PHF20L1: variants seen among roughly 807,000 people sequenced by gnomAD.
PHF20L1 encodes PHD finger protein 20 like 1.
A neutral mutation model predicts 125.5 loss-of-function variants in PHF20L1; 44 were observed. The observed-to-expected ratio is 0.35, with a 90% confidence interval of 0.28 to 0.45. PHF20L1 has a LOEUF of 0.45. PHF20L1 is among the 20% of genes least tolerant of loss of function. The pLI is 1.00. For missense variants in PHF20L1, 1,012 were observed against 1,217.2 expected (o/e 0.83, Z 2.51); for synonymous variants, 380 against 403.1 (o/e 0.94, Z 0.69).
Position 132,836,738 on chromosome 8 carries a change from T to C in PHF20L1, c.2091+17T>C. On this transcript the variant is annotated intron_variant, in intron 16 of 20. Coordinates refer to ENST00000395386, the MANE Select transcript of PHF20L1 (RefSeq NM_016018.5). Reference sequence around the variant, plus strand: ...ATGATCCAGGTAATTGGTTAACCTCTCTTCCCTATAATGAGTTAGTTGTTT... The same window carrying C: ...ATGATCCAGGTAATTGGTTAACCTCCCTTCCCTATAATGAGTTAGTTGTTT... 1 of 1,587,038 alleles carries C rather than the reference T, an allele frequency of 6.3e-7. No homozygotes were observed. Among genetic ancestry groups the C allele is most frequent in the Non-Finnish European group, 8.6e-7 (1 of 1,157,588 alleles).
At chr8:132,823,153 T>A (rs7841859) in intron 12 of PHF20L1, among the ~76,000 whole-genome samples, 431 of 152,132 alleles carry the variant, frequency 2.8e-3, no homozygotes, top group African/African-American at 0.01. Context: ...TATAAGTATG[T>A]CTTTGTATTT....
Position 132,816,964 on chromosome 8 carries a change from C to T in PHF20L1, c.1260C>T (p.Thr420=), listed in dbSNP as rs779310827. The change falls in exon 11 of 21, where the codon ACC becomes ACT. Residue 420 remains threonine (T), a synonymous_variant. Coordinates refer to ENST00000395386, the MANE Select transcript of PHF20L1 (RefSeq NM_016018.5). ...ERRRRSQRLA[T]LPMPDDSVEK... The stretch of plus-strand genomic sequence containing the variant: ...GAAGAAGATCTCAGCGTTTAGCCAC[C>T]TTACCCATGCCTGATGATTCTGTAG... 8 of 1,611,942 alleles carry T rather than the reference C, an allele frequency of 5.0e-6. No homozygotes were observed. In the South Asian group the frequency reaches 7.7e-5, roughly 15 times the overall value.
chr8:132,794,262 G>A, intron 2 of PHF20L1, 148 bp from the exon 3 acceptor site: 2 of 549,932 alleles, frequency 3.6e-6, no homozygotes, highest in Non-Finnish European at 6.4e-6. Flanking sequence ...ATAAAGCAGA[G>A]TTTTTTGGTT....
In PHF20L1 at chr8:132,848,699, C is replaced by T. The variant is rs1288786695; in HGVS notation, c.*2776C>T. On this transcript the variant is annotated 3_prime_UTR_variant, in exon 21 of 21. Transcript: ENST00000395386. The stretch of plus-strand genomic sequence containing the variant: ...TAAATTTCAGGTAAAACCCCTTTTC[C>T]TAACACTCATCTTATTTCCACTGTC... 6.6e-6 allele frequency: 1 copy of T among 151,936 alleles called. No homozygotes were observed. Among genetic ancestry groups the T allele is most frequent in the African/African-American group, 2.4e-5 (1 of 41,386 alleles). 9.4% of individuals were successfully genotyped at this position (151,936 alleles called of 1,614,324 possible).
At chr8:132,791,926 G>GT (rs1831760748) in intron 2 of PHF20L1, among the ~76,000 whole-genome samples, 1 of 152,110 alleles carries the variant, frequency 6.6e-6, no homozygotes, top group Admixed American at 6.5e-5. Flanking sequence ...TAGAAAAACC[G>GT]TAAGTCGCTT....
intron 2 of PHF20L1, among the ~76,000 whole-genome samples, chr8:132,792,920 T>G (rs1831913273): frequency 6.6e-6 from 1 of 152,104 alleles, no homozygotes; most frequent in Admixed American, 6.6e-5. Context: ...CTAACTTTTT[T>G]TAATCCAATA....
In PHF20L1 at chr8:132,794,963, T is replaced by G. The variant is rs1832209374; in HGVS notation, c.340+146T>G. The G allele has an allele frequency of 8.3e-6, 5 of 603,022 alleles. 1 individual carries two copies. The South Asian group carries it at 1.1e-4, about 14-fold the overall frequency. The allele number at this position is 603,022 out of a possible 1,614,324, so 37.4% of individuals were successfully genotyped here. Reference sequence around the variant, plus strand: ...GTATTCTTTTTCGGGAGCATTTGATTTGTTATGTGTTATCGAGAATAAAAT... The same window carrying G: ...GTATTCTTTTTCGGGAGCATTTGATGTGTTATGTGTTATCGAGAATAAAAT... On this transcript the variant is annotated intron_variant, in intron 4 of 20. Coordinates refer to ENST00000395386, the MANE Select transcript of PHF20L1 (RefSeq NM_016018.5).
At chr8:132,811,421 A>G (rs539656640) in intron 9 of PHF20L1, 11 of 1,059,796 alleles carry the variant, frequency 1.0e-5, no homozygotes, top group African/African-American at 1.7e-5. Context: ...CTAGCTTACA[A>G]AAAGACCCTT....
chr8:132,804,612 T>C lies in PHF20L1; in HGVS notation c.722-3T>C, dbSNP rs773459687. ...TCTCATATATGTGTTCTGTTGAAAGTAGGACTTCATGTAGAGAACGTTCCA... is the reference window on the plus strand; with the variant it reads ...TCTCATATATGTGTTCTGTTGAAAGCAGGACTTCATGTAGAGAACGTTCCA... On this transcript the variant is annotated splice_polypyrimidine_tract_variant and splice_region_variant and intron_variant, in intron 7 of 20. Coordinates refer to ENST00000395386, the MANE Select transcript of PHF20L1 (RefSeq NM_016018.5). The C allele has an allele frequency of 6.2e-7, 1 of 1,602,048 alleles. No individual in the cohort carries two copies. Among genetic ancestry groups the C allele is most frequent in the South Asian group, 1.1e-5 (1 of 90,432 alleles).
At position 132,842,738 on chromosome 8, in the gene PHF20L1, C is replaced by G. The variant is rs904442478; in HGVS notation, c.2611C>G (p.Gln871Glu). 3.3e-5 allele frequency: 54 copies of G among 1,613,198 alleles called. No homozygotes were observed. Among genetic ancestry groups the G allele is most frequent in the Non-Finnish European group, 4.3e-5 (51 of 1,179,610 alleles). The change falls in exon 19 of 21, where the codon CAG becomes GAG. Residue 871 changes from glutamine (Q) to glutamate (E), a missense_variant. By Grantham distance (29) the Gln-to-Glu change is conservative. Coordinates refer to ENST00000395386, the MANE Select transcript of PHF20L1 (RefSeq NM_016018.5). The stretch of plus-strand genomic sequence containing the variant: ...CTATCAAAAGCCACAAAGTTTTGGT[C>G]AGGACTGTAAATCTCTCGCAGACCC... ...HSYQKPQSFG[Q>E]DCKSLADPGS...
chr8:132,825,696 C>A (rs1273848022), intron 14 of PHF20L1, among the ~76,000 whole-genome samples: 2 of 151,976 alleles, frequency 1.3e-5, no homozygotes, highest in Admixed American at 1.3e-4. Context: ...TGTAGAGTTC[C>A]TTAAGTTAGC....
rs906300833 is a variant in PHF20L1 at position 132,845,986 on chromosome 8, G to A, written c.*63G>A. The A allele has an allele frequency of 2.6e-5, 33 of 1,263,988 alleles. No homozygotes were observed. The highest frequency in any genetic ancestry group is 3.4e-5 in the Non-Finnish European group (30 of 882,934). 78.3% of individuals were successfully genotyped at this position (1,263,988 alleles called of 1,614,324 possible). A position where few individuals can be genotyped will look rare whatever the true frequency, so the allele number is the denominator to read the frequency against. ...CAGTCAAAGCATTTTTATTATCCAC[G>A]TGATGGCTAAGTGGATAATTTAAAA... On this transcript the variant is annotated 3_prime_UTR_variant, in exon 21 of 21. Transcript: ENST00000395386.
intron 4 of PHF20L1, among the ~76,000 whole-genome samples, chr8:132,796,142 AAGT>A (rs1462412194): frequency 2.0e-5 from 3 of 152,098 alleles, no homozygotes; most frequent in Admixed American, 6.6e-5. Context: ...AAGTTAGCTA[AAGT>A]AGTGATCAAA....
At chr8:132,833,051 A>G (rs1168049020) in intron 15 of PHF20L1, among the ~76,000 whole-genome samples, 2 of 152,066 alleles carry the variant, frequency 1.3e-5, no homozygotes, top group East Asian at 3.9e-4. Context: ...CTTGCTTCCA[A>G]TATTGTAAGC....
intron 2 of PHF20L1, among the ~76,000 whole-genome samples, 175 bp from the exon 3 acceptor site, chr8:132,794,235 G>T (rs1046457841): frequency 2.0e-5 from 3 of 152,056 alleles, no homozygotes; most frequent in African/African-American, 7.2e-5. Context: ...TCTTGAGGAC[G>T]ATCATTTATA....
In PHF20L1 at chr8:132,812,309, A is replaced by G. The variant is rs1208843092; in HGVS notation, c.930+1181A>G. ...GACTTGGGTAATAAAATGTTTCTGG[A>G]AAATTCATTACAATGTCAATCTTTG... On this transcript the variant is annotated intron_variant, in intron 9 of 20. Transcript: ENST00000395386. 4 of 985,010 alleles carry G rather than the reference A, an allele frequency of 4.1e-6. No homozygotes were observed. In the African/African-American group the frequency reaches 7.0e-5, roughly 17 times the overall value. 61.0% of individuals were successfully genotyped at this position (985,010 alleles called of 1,614,324 possible).
chr8:132,798,962 G>A lies in PHF20L1; in HGVS notation c.429+102G>A, dbSNP rs940001879. ...TATATTTTTTAAAAATGAACTAATT[G>A]TAGGGTTATGTGCTGATAGCCCCAA... is the stretch of plus-strand genomic sequence containing the variant. On this transcript the variant is annotated intron_variant, in intron 5 of 20. Transcript: ENST00000395386. 6 of 1,038,024 alleles carry A rather than the reference G, an allele frequency of 5.8e-6. No individual in the cohort carries two copies. In the Admixed American group the frequency reaches 1.2e-4, roughly 20 times the overall value. The allele number at this position is 1,038,024 out of a possible 1,614,324, so 64.3% of individuals were successfully genotyped here. A position where few individuals can be genotyped will look rare whatever the true frequency, so the allele number is the denominator to read the frequency against.
chr8:132,793,398 A>T (rs565644477), intron 2 of PHF20L1, among the ~76,000 whole-genome samples: 26 of 152,288 alleles, frequency 1.7e-4, no homozygotes, highest in African/African-American at 6.0e-4. Context: ...GTAGGTAGTA[A>T]TCAGTTCCTA....
At chr8:132,840,269 CCTT>C (rs1214877766) in intron 18 of PHF20L1, among the ~76,000 whole-genome samples, 1 of 152,120 alleles carries the variant, frequency 6.6e-6, no homozygotes, top group Admixed American at 6.6e-5. Context: ...CCCATCCTCT[CCTT>C]CCCTTCCCAT....
Sources: gnomAD v4.1 joint callset for allele counts (sites outside exome capture counted in the v4.1 genomes callset) on GRCh38, gnomAD v4.1.1 for gene constraint, MANE v1.5 for transcripts, NCBI Gene and HGNC (gene_info 2026-07-23, HGNC 2026-07-21) for gene names.